The following OR51B5 variants were observed in gnomAD, a reference collection of about 807,000 sequenced individuals.
The protein encoded by OR51B5 is olfactory receptor 51B5.
For missense variants in OR51B5, 456 were observed against 374.6 expected, an observed-to-expected ratio of 1.22 and a Z score of -1.79; for synonymous variants, 186 against 144.8, an observed-to-expected ratio of 1.28 and a Z score of -2.04.
intron 1 of OR51B5, among the ~76,000 whole-genome samples, chr11:5,367,577 G>C (rs1352947136): frequency 6.6e-6 from 1 of 152,146 alleles, no homozygotes; most frequent in Non-Finnish European, 1.5e-5. Flanking sequence ...TCTTGGTTTG[G>C]TGGGTTTCAG....
At chr11:5,351,994 T>C (rs1482084215) in intron 1 of OR51B5, 1 of 1,613,464 alleles carries the variant, frequency 6.2e-7, no homozygotes, top group African/African-American at 1.3e-5. Context: ...TCGCCTACAC[T>C]GGTTTCCCTA....
At chr11:5,432,890 A>G (rs1164639562) in intron 1 of OR51B5, among the ~76,000 whole-genome samples, 3 of 152,202 alleles carry the variant, frequency 2.0e-5, no homozygotes, top group Non-Finnish European at 4.4e-5. Flanking sequence ...GTCATCAGAA[A>G]GAACTGAGTT....
At chr11:5,375,508 T>A (rs891298883) in intron 1 of OR51B5, among the ~76,000 whole-genome samples, 2 of 152,100 alleles carry the variant, frequency 1.3e-5, no homozygotes, top group African/African-American at 4.8e-5. Context: ...ATGGACTAAG[T>A]GCTCCAATTG....
At chr11:5,453,865 T>C (rs757062855) in intron 1 of OR51B5, 1 of 1,614,208 alleles carries the variant, frequency 6.2e-7, no homozygotes, top group Admixed American at 1.7e-5. Context: ...TATGTGGCCA[T>C]TTGTGACCCC....
At chr11:5,497,297 A>G (rs1210475262) in intron 1 of OR51B5, among the ~76,000 whole-genome samples, 3 of 152,196 alleles carry the variant, frequency 2.0e-5, no homozygotes, top group Non-Finnish European at 4.4e-5. Context: ...CTGTAATCCC[A>G]GCTACTCCAG....
At chr11:5,429,391 T>C (rs1250210309) in intron 1 of OR51B5, among the ~76,000 whole-genome samples, 1 of 152,160 alleles carries the variant, frequency 6.6e-6, no homozygotes, top group African/African-American at 2.4e-5. Context: ...CAGACAACCT[T>C]ACAAAGACAA....
intron 1 of OR51B5, among the ~76,000 whole-genome samples, chr11:5,365,508 C>A (rs1471864210): frequency 6.6e-6 from 1 of 151,220 alleles, no homozygotes; most frequent in East Asian, 1.9e-4. Context: ...CCTGTCTATG[C>A]ACAGGATAGG....
chr11:5,380,144 A>C (rs1221118300), intron 1 of OR51B5, among the ~76,000 whole-genome samples: 1 of 152,030 alleles, frequency 6.6e-6, no homozygotes, highest in African/African-American at 2.4e-5. Context: ...GAAAATGAAA[A>C]TCGGTTCCCT....
upstream of OR51B5, chr11:5,343,551 T>C (rs746503842): frequency 1.4e-6 from 1 of 716,282 alleles, no homozygotes; most frequent in Non-Finnish European, 2.4e-6. Context: ...AGAAATGTCT[T>C]TCTGTTTCTG....
rs189786663 is a variant in OR51B5, at chr11:5,352,301, A to G, written n.85-5391T>C. The G allele has an allele frequency of 1.5e-4, 243 of 1,614,194 alleles. 1 individual carries two copies. The East Asian group carries it at 2.3e-3, about 15-fold the overall frequency. On this transcript the variant is annotated intron_variant and non_coding_transcript_variant, in intron 1 of 4. Coordinates refer to the OR51B5 transcript ENST00000415970. The stretch of plus-strand genomic sequence containing the variant: ...ACATTTATTCATAGGTTTGGAAAGC[A>G]TGTTCCTCATGTCGTTCACATCACA...
At chr11:5,382,535 T>C (rs1022759531) in intron 1 of OR51B5, among the ~76,000 whole-genome samples, 1 of 152,204 alleles carries the variant, frequency 6.6e-6, no homozygotes, top group African/African-American at 2.4e-5. Flanking sequence ...GTTGCTGTTA[T>C]ACTGTCCTTG....
At chr11:5,473,246 A>ATGCCTGT (rs953755203) in intron 1 of OR51B5, among the ~76,000 whole-genome samples, 1 of 152,190 alleles carries the variant, frequency 6.6e-6, no homozygotes, top group Non-Finnish European at 1.5e-5. Flanking sequence ...AGGGGTGCAA[A>ATGCCTGT]TGCCTGTTGA....
chr11:5,460,149 G>A (rs1164455000), intron 1 of OR51B5, among the ~76,000 whole-genome samples: 4 of 152,160 alleles, frequency 2.6e-5, no homozygotes, highest in Admixed American at 6.5e-5. Flanking sequence ...TGCAGAAACA[G>A]AAAACCACAT....
chr11:5,427,628 GA>G (rs1258652989), intron 1 of OR51B5, among the ~76,000 whole-genome samples: 2 of 152,098 alleles, frequency 1.3e-5, no homozygotes, highest in Non-Finnish European at 2.9e-5. Context: ...ACAAACACAT[GA>G]ATTAACATAA....
intron 1 of OR51B5, among the ~76,000 whole-genome samples, chr11:5,414,222 A>T (rs1850197514): frequency 4.0e-5 from 6 of 151,798 alleles, no homozygotes; most frequent in Admixed American, 3.9e-4. Context: ...CTTTACAGAC[A>T]AGCAAATGCT....
chr11:5,459,659 G>C (rs1452664342), intron 1 of OR51B5, among the ~76,000 whole-genome samples: 2 of 149,070 alleles, frequency 1.3e-5, no homozygotes, highest in East Asian at 3.9e-4. Flanking sequence ...TTAGGGAAAT[G>C]CAAGTCAAAA....
At chr11:5,428,600 TGG>T (rs1321953753) in intron 1 of OR51B5, among the ~76,000 whole-genome samples, 1 of 152,180 alleles carries the variant, frequency 6.6e-6, no homozygotes, top group Non-Finnish European at 1.5e-5. Context: ...AAACAAAAAT[TGG>T]ATGACTACTG....
At chr11:5,437,748 C>T (rs367610284) in intron 1 of OR51B5, among the ~76,000 whole-genome samples, 1 of 152,152 alleles carries the variant, frequency 6.6e-6, no homozygotes, top group Admixed American at 6.6e-5. Flanking sequence ...AGTTCTCTTG[C>T]GGGTTTTGAT....
chr11:5,410,280 G>C (rs117874059), intron 1 of OR51B5, among the ~76,000 whole-genome samples: 2,114 of 152,204 alleles, frequency 0.014, 26 homozygotes, highest in South Asian at 0.024. Flanking sequence ...AACATTCTTT[G>C]AACTATAATT....
Sources: gnomAD v4.1 joint callset for allele counts (sites outside exome capture counted in the v4.1 genomes callset) on GRCh38, gnomAD v4.1.1 for gene constraint, MANE v1.5 for transcripts, NCBI Gene and HGNC (gene_info 2026-07-23, HGNC 2026-07-21) for gene names.